Variants in ZNF407 observed in about 807,000 individuals in gnomAD.
ZNF407 encodes zinc finger protein 407.
In ZNF407, 17 loss-of-function variants were observed where a neutral mutation model predicts 131.2. That is an observed-to-expected ratio of 0.13 (90% CI 0.09 to 0.19). The LOEUF is 0.19. Among genes scored for constraint, ZNF407 ranks in the 10% least tolerant of loss-of-function variants. The probability of loss-of-function intolerance (pLI) is 1.00; values close to 1 mark genes in which losing one functional copy is unlikely to be tolerated. For missense variants in ZNF407, 2,681 were observed against 2,830.6 expected (o/e 0.95, Z 1.20); for synonymous variants, 1,156 against 1,062.0 (o/e 1.09, Z -1.72).
intron 8 of ZNF407, among the ~76,000 whole-genome samples, chr18:74,931,082 TAAG>T (rs1226183601): frequency 6.6e-6 from 1 of 152,138 alleles, no homozygotes; most frequent in African/African-American, 2.4e-5. Context: ...GACCTAAATA[TAAG>T]AAATAAAACT....
At chr18:74,814,591 A>AT in intron 4 of ZNF407, among the ~76,000 whole-genome samples, 2 of 152,320 alleles carry the variant, frequency 1.3e-5, no homozygotes, top group Non-Finnish European at 2.9e-5. Flanking sequence ...TCCTCTGTCA[A>AT]TTTCCAGTGC....
chr18:74,727,016 A>G (rs915892043), intron 3 of ZNF407, among the ~76,000 whole-genome samples: 2 of 152,214 alleles, frequency 1.3e-5, no homozygotes, highest in Admixed American at 1.3e-4. Flanking sequence ...GAATCATTTA[A>G]TAAATCATTC....
chr18:74,992,928 C>A (rs1972735947), intron 8 of ZNF407, among the ~76,000 whole-genome samples: 1 of 152,130 alleles, frequency 6.6e-6, no homozygotes, highest in Admixed American at 6.5e-5. Flanking sequence ...TAATAACATG[C>A]CACTGCACAC....
intron 8 of ZNF407, among the ~76,000 whole-genome samples, chr18:74,988,629 A>T (rs1018637460): frequency 3.3e-5 from 5 of 151,750 alleles, no homozygotes; most frequent in Non-Finnish European, 7.4e-5. Flanking sequence ...TAACCCTAAA[A>T]CTTGAAGTAT....
intron 3 of ZNF407, among the ~76,000 whole-genome samples, chr18:74,676,440 T>A (rs1347329865): frequency 2.7e-5 from 4 of 146,900 alleles, no homozygotes; most frequent in Admixed American, 6.8e-5. Flanking sequence ...ATATAGCATT[T>A]TTTTTTTTTT....
At chr18:74,694,996 GAT>G (rs899141331) in intron 3 of ZNF407, among the ~76,000 whole-genome samples, 97 of 152,288 alleles carry the variant, frequency 6.4e-4, no homozygotes, top group African/African-American at 2.0e-3. Flanking sequence ...ATAAACCTGA[GAT>G]AGTGAAGGAA....
rs371972950 is a variant in ZNF407, at chr18:74,634,495, A to G, written c.3476A>G (p.Asn1159Ser). The change falls in exon 2 of 9, where the codon AAT becomes AGT. Residue 1159 changes from asparagine (N) to serine (S), a missense_variant. Physicochemically the swap from Asn to Ser is conservative, Grantham distance 46 (BLOSUM62 1). Around this residue, in one of 6 missense-constraint regions of ZNF407, gnomAD observed 1,789 missense variants for 1,748.7 expected, o/e 1.02. Coordinates refer to ENST00000299687, the MANE Select transcript of ZNF407 (RefSeq NM_017757.3). ...EVETEEESNF[N>S]EDHSFCETFQ... ...GAGACTGAAGAAGAATCTAATTTCAATGAAGACCATTCCTTTTGTGAGACT... is the reference window on the plus strand; with the variant it reads ...GAGACTGAAGAAGAATCTAATTTCAGTGAAGACCATTCCTTTTGTGAGACT... 24 of 1,613,748 alleles carry G rather than the reference A, an allele frequency of 1.5e-5. No homozygotes were observed. Among genetic ancestry groups the G allele is most frequent in the African/African-American group, 1.3e-4 (10 of 74,942 alleles).
chr18:74,968,906 G>A (rs960127633), intron 8 of ZNF407, among the ~76,000 whole-genome samples: 1 of 152,030 alleles, frequency 6.6e-6, no homozygotes, highest in Non-Finnish European at 1.5e-5. Flanking sequence ...TGTGAGTGAT[G>A]GGGCTTTTGT....
intron 4 of ZNF407, among the ~76,000 whole-genome samples, chr18:74,784,840 A>G (rs1969673713): frequency 6.6e-6 from 1 of 152,268 alleles, no homozygotes; most frequent in Admixed American, 6.5e-5. Flanking sequence ...TGGAACAGCC[A>G]TACTAAGTAT....
chr18:74,742,687 T>A (rs1968578076), intron 3 of ZNF407, among the ~76,000 whole-genome samples: 1 of 152,182 alleles, frequency 6.6e-6, no homozygotes, highest in African/African-American at 2.4e-5. Context: ...ACTTGTAGAA[T>A]GTAGCTGCAG....
intron 8 of ZNF407, among the ~76,000 whole-genome samples, chr18:74,938,166 T>C (rs1599254036): frequency 6.6e-6 from 1 of 152,210 alleles, no homozygotes; most frequent in East Asian, 1.9e-4. Flanking sequence ...TTTGACCTTA[T>C]TTATGACCTT....
At chr18:74,896,881 T>C (rs903445557) in intron 7 of ZNF407, among the ~76,000 whole-genome samples, 1 of 152,244 alleles carries the variant, frequency 6.6e-6, no homozygotes, top group Non-Finnish European at 1.5e-5. Flanking sequence ...CTGACAATTC[T>C]TTGCAGCAGA....
At chr18:74,928,999 G>A (rs901359223) in intron 8 of ZNF407, among the ~76,000 whole-genome samples, 3 of 151,996 alleles carry the variant, frequency 2.0e-5, no homozygotes, top group Non-Finnish European at 2.9e-5. Flanking sequence ...GTCCTGAATG[G>A]CATTCATAAA....
chr18:74,804,071 T>C (rs1245683362), intron 4 of ZNF407: 2 of 1,551,158 alleles, frequency 1.3e-6, no homozygotes, highest in South Asian at 1.2e-5. Context: ...TTTTCATAAC[T>C]GATGGGACCT....
In ZNF407 at chr18:75,064,567, AT is replaced by A. The variant is rs1973688467; in HGVS notation, c.*100del. 4.4e-6 allele frequency: 5 copies of A among 1,145,660 alleles called. No individual in the cohort carries two copies. Among genetic ancestry groups the A allele is most frequent in the Non-Finnish European group, 6.0e-6 (5 of 833,420 alleles). 71.0% of individuals were successfully genotyped at this position (1,145,660 alleles called of 1,614,324 possible). A position where few individuals can be genotyped will look rare whatever the true frequency, so the allele number is the denominator to read the frequency against. On this transcript the variant is annotated 3_prime_UTR_variant, in exon 9 of 9. Coordinates refer to ENST00000299687, the MANE Select transcript of ZNF407 (RefSeq NM_017757.3). ...AGCTTCATCTGAAACCTTCAAAACC[AT>A]GAGGACAAGGCTCCCGTGAGCTCTG...
chr18:74,921,634 T>A (rs1339493608), intron 8 of ZNF407, among the ~76,000 whole-genome samples: 1 of 152,212 alleles, frequency 6.6e-6, no homozygotes, highest in African/African-American at 2.4e-5. Context: ...TGATAGTACC[T>A]ACTAATAGGG....
intron 4 of ZNF407, among the ~76,000 whole-genome samples, chr18:74,834,315 T>A (rs549326185): frequency 1.3e-5 from 2 of 152,242 alleles, no homozygotes; most frequent in East Asian, 1.9e-4. Context: ...TCTTGCAGCA[T>A]GACCCAATTC....
intron 8 of ZNF407, among the ~76,000 whole-genome samples, chr18:74,980,569 A>C (rs1490290685): frequency 6.6e-6 from 1 of 152,136 alleles, no homozygotes; most frequent in Admixed American, 6.5e-5. Flanking sequence ...GGCCTCCTAA[A>C]GTGCTGAGAT....
intron 3 of ZNF407, among the ~76,000 whole-genome samples, chr18:74,773,952 G>T (rs1234062452): frequency 6.6e-6 from 1 of 152,194 alleles, no homozygotes; most frequent in Admixed American, 6.5e-5. Flanking sequence ...CTGATTGCAG[G>T]TCTGGAGCAT....
Sources: gnomAD v4.1 joint callset for allele counts (sites outside exome capture counted in the v4.1 genomes callset) on GRCh38, gnomAD v4.1.1 for gene constraint, gnomAD v4.1.1 regional missense constraint, MANE v1.5 for transcripts, NCBI Gene and HGNC (gene_info 2026-07-23, HGNC 2026-07-21) for gene names.